MCF2L: variants seen among roughly 807,000 people sequenced by gnomAD.
MCF2L encodes MCF.2 cell line derived transforming sequence like.
A neutral mutation model predicts 153.4 loss-of-function variants in MCF2L; 97 were observed. The ratio of observed to expected loss-of-function variants is 0.63; its 90% confidence interval spans 0.54 to 0.75. The LOEUF (loss-of-function observed/expected upper bound fraction) is 0.75, where lower values mean the gene tolerates loss of function less well. Ranked by LOEUF, MCF2L falls within the 30% of genes least tolerant of loss-of-function variation. The pLI is 0.00. For synonymous variants in MCF2L, 659 were observed against 632.2 expected (o/e 1.04, Z -0.64); for missense variants, 1,347 against 1,495.2 (o/e 0.90, Z 1.64).
At chr13:112,949,283 G>A (rs1187865234) in intron 2 of MCF2L, among the ~76,000 whole-genome samples, 1 of 152,100 alleles carries the variant, frequency 6.6e-6, no homozygotes, top group Non-Finnish European at 1.5e-5. Flanking sequence ...GGCCCAGATG[G>A]TTTTTCTAAA....
intron 15 of MCF2L, among the ~76,000 whole-genome samples, chr13:113,079,862 C>T (rs1191319790): frequency 2.6e-5 from 4 of 152,066 alleles, no homozygotes; most frequent in African/African-American, 9.7e-5. Context: ...GAAGAGGGTC[C>T]AGGCAGAGGG....
At chr13:112,982,357 A>G (rs2082465150) in intron 1 of MCF2L, among the ~76,000 whole-genome samples, 1 of 152,166 alleles carries the variant, frequency 6.6e-6, no homozygotes, top group Non-Finnish European at 1.5e-5. Context: ...CGCTGGGCCA[A>G]GGGTGGCCGC....
At chr13:113,092,598 T>C (rs1406662678) in intron 26 of MCF2L, among the ~76,000 whole-genome samples, 1 of 152,230 alleles carries the variant, frequency 6.6e-6, no homozygotes, top group Non-Finnish European at 1.5e-5. Context: ...AGGTGGTGAC[T>C]CCAATGAGCA....
At chr13:112,976,176 A>ATG (rs72581190) in intron 1 of MCF2L, among the ~76,000 whole-genome samples, 4 of 140,804 alleles carry the variant, frequency 2.8e-5, no homozygotes, top group East Asian at 2.0e-4. Context: ...GTGTGTGTGT[A>ATG]TGTGTGTGTG....
intron 2 of MCF2L, among the ~76,000 whole-genome samples, chr13:113,021,540 C>T (rs1203845041): frequency 2.0e-5 from 3 of 152,192 alleles, no homozygotes; most frequent in African/African-American, 7.2e-5. Flanking sequence ...GGGTGCTGTT[C>T]TGAACCACAG....
chr13:113,015,210 C>G (rs2084429136), intron 2 of MCF2L, among the ~76,000 whole-genome samples: 1 of 152,230 alleles, frequency 6.6e-6, no homozygotes, highest in African/African-American at 2.4e-5. Flanking sequence ...CCTCCCAGGC[C>G]ACGCCTCTGT....
chr13:112,917,231 T>C (rs1366014035), intron 2 of MCF2L: 5 of 466,974 alleles, frequency 1.1e-5, no homozygotes, highest in Non-Finnish European at 1.8e-5. Context: ...CCGCAGAGCC[T>C]CCACCCGCAT....
At chr13:112,946,117 C>G (rs1443459679) in intron 2 of MCF2L, among the ~76,000 whole-genome samples, 3 of 152,270 alleles carry the variant, frequency 2.0e-5, no homozygotes, top group Non-Finnish European at 4.4e-5. Flanking sequence ...TTTGATAACT[C>G]ATGCTAAAAT....
rs540359250 is a variant in MCF2L at position 113,057,285 on chromosome 13, T to TG, written c.370-3305dup. On this transcript the variant is annotated intron_variant, in intron 4 of 29. Transcript: ENST00000535094. Reference sequence around the variant, plus strand: ...TTGGGTGCTGAGTGGGTGCTGTGTTTGGGTGCTGTGGGTGCTGAATGGGTG... The same window carrying TG: ...TTGGGTGCTGAGTGGGTGCTGTGTTTGGGGTGCTGTGGGTGCTGAATGGGTG... Among the ~76,000 whole-genome samples, 231 of 140,586 alleles carry TG rather than the reference T, an allele frequency of 1.6e-3. 1 individual carries two copies. The highest frequency in any genetic ancestry group is 2.8e-3 in the Non-Finnish European group (185 of 65,362). The allele number at this position is 140,586 out of a possible 152,430, so 92.2% of individuals were successfully genotyped here. A position where few individuals can be genotyped will look rare whatever the true frequency, so the allele number is the denominator to read the frequency against.
intron 1 of MCF2L, among the ~76,000 whole-genome samples, chr13:113,014,457 C>A (rs1277527032): frequency 6.6e-6 from 1 of 152,210 alleles, no homozygotes; most frequent in African/African-American, 2.4e-5. Flanking sequence ...TTTCCCACTG[C>A]TCCCCTGCCT....
At position 113,084,120 on chromosome 13, in the gene MCF2L, AATG is replaced by A. The variant is rs1043441084; in HGVS notation, c.2061+55_2061+57del. ...TCACAACTTCTTAAAAGTACTGAAT[AATG>A]ACTTCAGATTCTACTGCAAGTTCCT... is the stretch of plus-strand genomic sequence containing the variant. On this transcript the variant is annotated intron_variant, in intron 18 of 29. Transcript: ENST00000535094. 43 of 1,389,462 alleles carry A rather than the reference AATG, an allele frequency of 3.1e-5. No individual in the cohort carries two copies. In the African/African-American group the frequency reaches 5.4e-4, roughly 17 times the overall value. The allele number at this position is 1,389,462 out of a possible 1,614,324, so 86.1% of individuals were successfully genotyped here.
At chr13:113,069,566 AGCTGG>A (rs2032644085) in intron 8 of MCF2L, among the ~76,000 whole-genome samples, 2 of 94,556 alleles carry the variant, frequency 2.1e-5, no homozygotes, top group African/African-American at 8.9e-5. Context: ...GGTGGTGCAC[AGCTGG>A]AGTCCCAGCT....
At chr13:112,968,547 G>T (rs2081937685), upstream of MCF2L, 1 of 1,552,112 alleles carries the variant, frequency 6.4e-7, no homozygotes, top group Non-Finnish European at 8.7e-7. Context: ...ATGCCCCTGC[G>T]GGGAGGGGCT....
intron 2 of MCF2L, among the ~76,000 whole-genome samples, chr13:112,918,462 C>G (rs2081318866): frequency 6.6e-6 from 1 of 152,184 alleles, no homozygotes; most frequent in Non-Finnish European, 1.5e-5. Flanking sequence ...TGTGCAGGCC[C>G]TTGTCCTTGT....
At chr13:112,971,002 C>A (rs186783951) in intron 1 of MCF2L, among the ~76,000 whole-genome samples, 13 of 152,146 alleles carry the variant, frequency 8.5e-5, no homozygotes, top group South Asian at 2.1e-4. Context: ...CACCCTGTAG[C>A]GTTTAGTTAG....
chr13:112,997,944 A>T (rs2083207034), intron 1 of MCF2L, among the ~76,000 whole-genome samples: 1 of 152,186 alleles, frequency 6.6e-6, no homozygotes, highest in South Asian at 2.1e-4. Flanking sequence ...CTCTTGGCTG[A>T]GGTGCTGGGC....
intron 2 of MCF2L, chr13:112,910,134 T>G (rs2081216042): frequency 6.6e-6 from 1 of 152,204 alleles, no homozygotes. Flanking sequence ...TGCACAGAAA[T>G]AGGCTGACCT....
Position 113,070,212 on chromosome 13 carries a change from C to CA in MCF2L, c.996+39_996+40insA. ...GGTGGAGCCGGCAGCCGCCCTGATG[C>CA]TCACGGGGCCTCCTGTGCCTGCGCC... On this transcript the variant is annotated intron_variant, in intron 9 of 29. Coordinates refer to ENST00000535094, the MANE Select transcript of MCF2L (RefSeq NM_001112732.3). The surrounding 1 kb of genome is among the most constrained non-coding windows in gnomAD (Gnocchi z 5.6). The CA allele has an allele frequency of 7.4e-7, 1 of 1,360,032 alleles. No individual in the cohort carries two copies. Among genetic ancestry groups the CA allele is most frequent in the Non-Finnish European group, 1.0e-6 (1 of 995,960 alleles). The allele number at this position is 1,360,032 out of a possible 1,614,324, so 84.2% of individuals were successfully genotyped here.
intron 2 of MCF2L, among the ~76,000 whole-genome samples, chr13:112,931,631 G>A (rs773446749): frequency 2.0e-5 from 3 of 152,166 alleles, no homozygotes; most frequent in Non-Finnish European, 2.9e-5. Context: ...CAGTGTCCAC[G>A]AGCGTCCCCA....
Sources: gnomAD v4.1 joint callset for allele counts (sites outside exome capture counted in the v4.1 genomes callset) on GRCh38, gnomAD v4.1.1 for gene constraint, Gnocchi (gnomAD v3.1) non-coding constraint, MANE v1.5 for transcripts, NCBI Gene and HGNC (gene_info 2026-07-23, HGNC 2026-07-21) for gene names.